The following MAB21L4 variants were observed in gnomAD, a reference collection of about 807,000 sequenced individuals.
The protein encoded by MAB21L4 is protein mab-21-like 4.
In MAB21L4, 25 loss-of-function variants were observed where a neutral mutation model predicts 32.4. The ratio of observed to expected loss-of-function variants is 0.77; its 90% confidence interval spans 0.56 to 1.08. The LOEUF is 1.08. Among genes scored for constraint, MAB21L4 ranks in the 50% least tolerant of loss-of-function variants. The probability of loss-of-function intolerance (pLI) is 0.00; values close to 1 mark genes in which losing one functional copy is unlikely to be tolerated. For synonymous variants in MAB21L4, 280 were observed against 276.8 expected (o/e 1.01, Z -0.11); for missense variants, 638 against 611.0 (o/e 1.04, Z -0.47).
intron 3 of MAB21L4, 132 bp from the exon 4 acceptor site, chr2:240,888,780 C>T: frequency 1.7e-6 from 1 of 598,048 alleles, no homozygotes; most frequent in Non-Finnish European, 2.7e-6. Flanking sequence ...CCTGTGCCCT[C>T]CCCTCCACGT....
intron 3 of MAB21L4, among the ~76,000 whole-genome samples, chr2:240,889,514 GTTC>G (rs2059126003): frequency 2.0e-5 from 3 of 152,354 alleles, no homozygotes; most frequent in South Asian, 4.1e-4. Context: ...CCTGTTCCTT[GTTC>G]TTCTCAGCAT....
chr2:240,890,104 C>T lies in MAB21L4; in HGVS notation c.795G>A (p.Gln265=). 1 of 1,612,608 alleles carries T rather than the reference C, an allele frequency of 6.2e-7. No homozygotes were observed. Among genetic ancestry groups the T allele is most frequent in the Non-Finnish European group, 8.5e-7 (1 of 1,179,308 alleles). Residue 265 remains glutamine, a synonymous_variant, in exon 3 of 5, where the codon CAG becomes CAA. Transcript: ENST00000388934. Reference sequence around the variant, plus strand: ...TGGAGAGGCTGTCCAGGCGATGACCCTGCAGGGAGCCCAGCTCCCCCAGCA... The same window carrying T: ...TGGAGAGGCTGTCCAGGCGATGACCTTGCAGGGAGCCCAGCTCCCCCAGCA... ...TRLLGELGSL[Q]GHRLDSLSIL... is the part of the protein sequence containing the mutation.
rs368882820 is a variant in MAB21L4, at chr2:240,891,668, C to T, written c.610G>A (p.Val204Met). Reference sequence around the variant, plus strand: ...GGCGCCCCAAGCTTCCTTCTCACCACGGGCACCACGTGGAAGCTGATTGTT... The same window carrying T: ...GGCGCCCCAAGCTTCCTTCTCACCATGGGCACCACGTGGAAGCTGATTGTT... ...WRTISFHVVP[V>M]VRRKLGAPAL... The change falls in exon 2 of 5, where the codon GTG (valine) becomes ATG (methionine). Residue 204 changes from valine (V) to methionine (M), a missense_variant. Val to Met is a conservative substitution (Grantham distance 21). Coordinates refer to ENST00000388934, the MANE Select transcript of MAB21L4 (RefSeq NM_001085437.3). The T allele has an allele frequency of 1.2e-5, 19 of 1,609,126 alleles. No individual in the cohort carries two copies. The highest frequency in any genetic ancestry group is 6.7e-5 in the African/African-American group (5 of 74,936).
rs994660845 is a variant in MAB21L4 at position 240,886,961 on chromosome 2, C to G, written c.*109G>C. 5.9e-6 allele frequency: 5 copies of G among 841,962 alleles called. No homozygotes were observed. In the Admixed American group the frequency reaches 6.2e-5, roughly 10 times the overall value. The allele number at this position is 841,962 out of a possible 1,614,324, so 52.2% of individuals were successfully genotyped here. On this transcript the variant is annotated 3_prime_UTR_variant, in exon 5 of 5. Transcript: ENST00000388934. The stretch of plus-strand genomic sequence containing the variant: ...GGGGACAAAATCCCTCCACTACCCC[C>G]TCAAGGAGAAGCCCGTTTCTTCTTC...
chr2:240,891,560 G>C lies in MAB21L4; in HGVS notation c.718C>G (p.Pro240Ala), dbSNP rs760064117. 2 of 1,610,248 alleles carry C rather than the reference G, an allele frequency of 1.2e-6. No individual in the cohort carries two copies. Among genetic ancestry groups the C allele is most frequent in the African/African-American group, 1.3e-5 (1 of 74,902 alleles). The change falls in exon 2 of 5, where the codon CCG (proline) becomes GCG (alanine). Residue 240 changes from proline to alanine, a missense_variant. By Grantham distance (27) the Pro-to-Ala change is conservative. Coordinates refer to ENST00000388934, the MANE Select transcript of MAB21L4 (RefSeq NM_001085437.3). ...TACCTCCAGAGCTGGGCGCTGGCCG[G>C]CACCAGGTCCACCCCTTGGCTGAGG... ...RILSQGVDLV[P>A]ASAQLWRTST...
chr2:240,893,201 G>A (rs1299715326), intron 1 of MAB21L4, among the ~76,000 whole-genome samples: 3 of 152,180 alleles, frequency 2.0e-5, no homozygotes, highest in African/African-American at 7.2e-5. Context: ...GCGAGCATGG[G>A]GCCTGCCTTC....
chr2:240,893,405 G>GC (rs1042931088), intron 1 of MAB21L4, among the ~76,000 whole-genome samples: 4 of 152,158 alleles, frequency 2.6e-5, no homozygotes, highest in African/African-American at 7.2e-5. Context: ...GAGAAGGAGG[G>GC]CCCCCCCATG....
chr2:240,896,233 C>A, upstream of MAB21L4: 1 of 1,164,178 alleles, frequency 8.6e-7, no homozygotes, highest in Non-Finnish European at 1.1e-6. Flanking sequence ...GGGAATGTCA[C>A]AGGGGCCATG....
At chr2:240,892,876 T>G (rs1384265779) in intron 1 of MAB21L4, among the ~76,000 whole-genome samples, 2 of 151,904 alleles carry the variant, frequency 1.3e-5, no homozygotes, top group Non-Finnish European at 2.9e-5. Context: ...TTCCAGGGTG[T>G]AATGGGGCTG....
intron 4 of MAB21L4, 147 bp downstream of exon 4, chr2:240,888,145 C>T (rs965365343): frequency 8.3e-5 from 55 of 660,694 alleles, no homozygotes; most frequent in Middle Eastern, 4.2e-4. Flanking sequence ...CATGTCCCCG[C>T]AGACGCTCTC....
At chr2:240,894,719 C>A (rs1171455716) in intron 1 of MAB21L4, among the ~76,000 whole-genome samples, 1 of 152,180 alleles carries the variant, frequency 6.6e-6, no homozygotes, top group African/African-American at 2.4e-5. Context: ...GCAGGAGAAT[C>A]GCTTGAACCC....
rs1016763767 is a variant in MAB21L4, at chr2:240,896,146, G to C, written c.-149C>G. 1.5e-6 allele frequency: 2 copies of C among 1,348,970 alleles called. No individual in the cohort carries two copies. Among genetic ancestry groups the C allele is most frequent in the Non-Finnish European group, 1.9e-6 (2 of 1,057,520 alleles). The allele number at this position is 1,348,970 out of a possible 1,614,324, so 83.6% of individuals were successfully genotyped here. ...CTCCCACACAGCAGAATTCCAGAGT[G>C]ACAGCACAGTGTGGCAGGTGAAATA... is the stretch of plus-strand genomic sequence containing the variant. On this transcript the variant is annotated 5_prime_UTR_variant, in exon 1 of 5. Coordinates refer to ENST00000388934, the MANE Select transcript of MAB21L4 (RefSeq NM_001085437.3).
Position 240,895,727 on chromosome 2 carries a change from C to T in MAB21L4, c.271G>A (p.Ala91Thr), listed in dbSNP as rs772085214. 2 of 1,612,950 alleles carry T rather than the reference C, an allele frequency of 1.2e-6. No homozygotes were observed. Among genetic ancestry groups the T allele is most frequent in the South Asian group, 2.2e-5 (2 of 91,080 alleles). ...GCCTCTGGTTCCTCAATCAGTAGAG[C>T]CTCGGCATCCACCCACAGGGGCACC... ...MEVPLWVDAEALLIEEPEATQ... is the reference protein window; with the variant it reads ...MEVPLWVDAETLLIEEPEATQ... Residue 91 changes from alanine to threonine, a missense_variant, in exon 1 of 5, where the codon GCT becomes ACT. By Grantham distance (58) the Ala-to-Thr change is moderately conservative (BLOSUM62 0). Coordinates refer to ENST00000388934, the MANE Select transcript of MAB21L4 (RefSeq NM_001085437.3).
At position 240,891,911 on chromosome 2, in the gene MAB21L4, G is replaced by A. The variant is rs2059154354; in HGVS notation, c.515-148C>T. 7 of 1,573,826 alleles carry A rather than the reference G, an allele frequency of 4.4e-6. No homozygotes were observed. In the East Asian group the frequency reaches 7.1e-5, roughly 16 times the overall value. ...TGCTGGCCCCCACCTGCAGGCTGCA[G>A]CTCCCCAACCCCAGACACCTGTGTC... On this transcript the variant is annotated intron_variant, in intron 1 of 4. Coordinates refer to ENST00000388934, the MANE Select transcript of MAB21L4 (RefSeq NM_001085437.3).
At chr2:240,891,488 C>G in intron 2 of MAB21L4, 50 bp downstream of exon 2, 3 of 1,490,824 alleles carry the variant, frequency 2.0e-6, no homozygotes, top group Non-Finnish European at 1.8e-6. Context: ...GGGCAGTGGC[C>G]CCTTCCTGCC....
intron 1 of MAB21L4, among the ~76,000 whole-genome samples, chr2:240,894,736 C>A (rs893894672): frequency 6.6e-6 from 1 of 152,126 alleles, no homozygotes; most frequent in East Asian, 1.9e-4. Flanking sequence ...ACCCAGGAGG[C>A]GGAGTGAGCC....
chr2:240,888,462 G>T lies in MAB21L4; in HGVS notation c.1081C>A (p.Arg361Ser), dbSNP rs747929041. The change falls in exon 4 of 5, where the codon CGC (arginine) becomes AGC (serine). Residue 361 changes from arginine to serine, a missense_variant. Physicochemically the swap from Arg to Ser is moderately radical, Grantham distance 110 (BLOSUM62 -1). Coordinates refer to ENST00000388934, the MANE Select transcript of MAB21L4 (RefSeq NM_001085437.3). ...SGLDLGAIYQ[R>S]VEGFASQPEA... ...GGCTGGCTGGCGAAGCCCTCCACGC[G>T]CTGGTAGATGGCACCAAGGTCCAGG... 2.5e-6 allele frequency: 4 copies of T among 1,587,468 alleles called. No homozygotes were observed. Among genetic ancestry groups the T allele is most frequent in the Non-Finnish European group, 3.4e-6 (4 of 1,169,740 alleles).
chr2:240,896,261 G>T (rs2059187037), upstream of MAB21L4: 1 of 921,646 alleles, frequency 1.1e-6, no homozygotes, highest in Admixed American at 4.2e-5. Context: ...GGCGGGGGCT[G>T]GGTTTGGTTA....
chr2:240,889,292 G>C (rs2059124431), intron 3 of MAB21L4, among the ~76,000 whole-genome samples: 1 of 152,214 alleles, frequency 6.6e-6, no homozygotes, highest in Non-Finnish European at 1.5e-5. Flanking sequence ...GGGGGCCTGA[G>C]AGGGCATGGC....
Sources: allele counts gnomAD v4.1 joint callset (sites outside exome capture counted in the v4.1 genomes callset), GRCh38; gene constraint gnomAD v4.1.1; transcripts MANE v1.5; gene names NCBI Gene and HGNC (gene_info 2026-07-23, HGNC 2026-07-21).